SLC4A4: variants seen among roughly 807,000 people sequenced by gnomAD.
SLC4A4 encodes solute carrier family 4 member 4.
A neutral mutation model predicts 111.5 loss-of-function variants in SLC4A4; 27 were observed. The observed-to-expected ratio is 0.24, with a 90% CI of 0.18 to 0.33. SLC4A4 has a LOEUF of 0.33. Ranked by LOEUF, SLC4A4 falls within the 10% of genes least tolerant of loss-of-function variation. The pLI is 1.00. For synonymous variants in SLC4A4, 443 were observed against 463.4 expected, an observed-to-expected ratio of 0.96 and a Z score of 0.57; for missense variants, 909 against 1,315.5, an observed-to-expected ratio of 0.69 and a Z score of 4.78.
rs116494394 is a variant in SLC4A4 at position 71,374,850 on chromosome 4, G to T, written c.730+17663G>T. 9.0e-3 allele frequency among the ~76,000 whole-genome samples: 1,366 copies of T among 152,088 alleles called. 24 individuals carry two copies. Among genetic ancestry groups the T allele is most frequent in the African/African-American group, 0.032 (1,313 of 41,480 alleles). On this transcript the variant is annotated intron_variant, in intron 6 of 25. Transcript: ENST00000264485. The stretch of plus-strand genomic sequence containing the variant: ...ATTCAGACTTGTGCTTGACAAAATG[G>T]TGATATGTGTGATATATTTATAATC...
chr4:71,248,417 T>A (rs1560811807), intron 2 of SLC4A4, among the ~76,000 whole-genome samples: 2 of 150,568 alleles, frequency 1.3e-5, no homozygotes, highest in Non-Finnish European at 3.0e-5. Context: ...TATAGATATT[T>A]GTATAGGTAA....
intron 2 of SLC4A4, among the ~76,000 whole-genome samples, chr4:71,155,050 G>T (rs1456505857): frequency 6.6e-6 from 1 of 151,360 alleles, no homozygotes; most frequent in African/African-American, 2.4e-5. Context: ...GTCACAATGA[G>T]CATTTTGTGA....
At chr4:71,421,773 G>A (rs1314643762) in intron 7 of SLC4A4, among the ~76,000 whole-genome samples, 1 of 152,156 alleles carries the variant, frequency 6.6e-6, no homozygotes, top group African/African-American at 2.4e-5. Flanking sequence ...AAATAAAGAT[G>A]TTCTTTGAAA....
intron 9 of SLC4A4, among the ~76,000 whole-genome samples, chr4:71,448,724 G>C (rs565736874): frequency 1.3e-5 from 2 of 152,248 alleles, no homozygotes; most frequent in South Asian, 4.1e-4. Flanking sequence ...TTCTGCTCCT[G>C]GGTCTTTCTG....
At chr4:71,225,917 A>G (rs1719019818) in intron 1 of SLC4A4, among the ~76,000 whole-genome samples, 1 of 152,236 alleles carries the variant, frequency 6.6e-6, no homozygotes. Flanking sequence ...ATTACTACAA[A>G]TAATTTATCA....
chr4:71,302,480 A>G (rs942094253), intron 3 of SLC4A4, among the ~76,000 whole-genome samples: 13 of 152,218 alleles, frequency 8.5e-5, no homozygotes, highest in Admixed American at 6.5e-4. Context: ...TCCCTTATCA[A>G]TGAAAATTAC....
At chr4:71,468,681 T>C (rs1447180507) in intron 13 of SLC4A4, among the ~76,000 whole-genome samples, 1 of 151,574 alleles carries the variant, frequency 6.6e-6, no homozygotes, top group Non-Finnish European at 1.5e-5. Context: ...TTTGGGTAGA[T>C]CACTATTTCC....
intron 3 of SLC4A4, among the ~76,000 whole-genome samples, chr4:71,266,164 C>T (rs994645759): frequency 6.6e-6 from 1 of 152,156 alleles, no homozygotes; most frequent in African/African-American, 2.4e-5. Context: ...AATTCAGAGT[C>T]AGGCAGTGGG....
intron 6 of SLC4A4, among the ~76,000 whole-genome samples, chr4:71,395,855 G>C (rs1011323261): frequency 2.6e-5 from 4 of 152,150 alleles, no homozygotes; most frequent in African/African-American, 9.7e-5. Flanking sequence ...ATTTACATAA[G>C]CTATTTTCAA....
intron 16 of SLC4A4, among the ~76,000 whole-genome samples, chr4:71,512,712 C>T (rs1347496492): frequency 6.6e-6 from 1 of 152,082 alleles, no homozygotes; most frequent in Admixed American, 6.6e-5. Flanking sequence ...TTTGTCTACA[C>T]CAATGTCCAG....
chr4:71,145,264 T>C (rs555760314), intron 2 of SLC4A4, among the ~76,000 whole-genome samples: 14 of 152,332 alleles, frequency 9.2e-5, no homozygotes, highest in Admixed American at 5.2e-4. Flanking sequence ...GATTTGTGTA[T>C]GTTGAACCAG....
chr4:71,467,291 G>A lies in SLC4A4; in HGVS notation c.1631+714G>A, dbSNP rs111511863. On this transcript the variant is annotated intron_variant, in intron 13 of 25. Coordinates refer to ENST00000264485, the MANE Select transcript of SLC4A4 (RefSeq NM_001098484.3). The stretch of plus-strand genomic sequence containing the variant: ...GATTAAGTTCACATCATTCAATAAT[G>A]AAAGAGACTGGATGCTCTTTACTTA... 7.5e-4 allele frequency among the ~76,000 whole-genome samples: 114 copies of A among 152,190 alleles called. 1 individual carries two copies. Among genetic ancestry groups the A allele is most frequent in the African/African-American group, 2.7e-3 (112 of 41,552 alleles).
intron 2 of SLC4A4, among the ~76,000 whole-genome samples, chr4:71,103,364 A>G (rs925964763): frequency 6.6e-6 from 1 of 152,202 alleles, no homozygotes; most frequent in African/African-American, 2.4e-5. Flanking sequence ...CAGATCAACG[A>G]GACAGAAAGT....
At chr4:71,354,934 G>A (rs548365288) in intron 5 of SLC4A4, among the ~76,000 whole-genome samples, 1 of 152,290 alleles carries the variant, frequency 6.6e-6, no homozygotes, top group East Asian at 1.9e-4. Flanking sequence ...AATTGGTAGT[G>A]TCTGTGGGAT....
intron 3 of SLC4A4, among the ~76,000 whole-genome samples, chr4:71,276,704 C>T (rs929682173): frequency 2.6e-5 from 4 of 151,854 alleles, no homozygotes; most frequent in African/African-American, 7.3e-5. Flanking sequence ...TTTGTTTAAC[C>T]GTTTACATAT....
At chr4:71,176,399 C>T (rs914349407) in intron 2 of SLC4A4, among the ~76,000 whole-genome samples, 1 of 151,932 alleles carries the variant, frequency 6.6e-6, no homozygotes, top group African/African-American at 2.4e-5. Context: ...GGAGGAAGTT[C>T]GAACACATGG....
intron 16 of SLC4A4, among the ~76,000 whole-genome samples, chr4:71,526,283 A>G (rs948301028): frequency 1.3e-5 from 2 of 152,078 alleles, no homozygotes; most frequent in African/African-American, 4.8e-5. Flanking sequence ...AACACTCTCC[A>G]GGAGTGATTT....
Position 71,534,327 on chromosome 4 carries a change from T to G in SLC4A4, c.2381T>G (p.Leu794Arg). The G allele has an allele frequency of 6.2e-7, 1 of 1,613,570 alleles. No homozygotes were observed. The highest frequency in any genetic ancestry group is 8.5e-7 in the Non-Finnish European group (1 of 1,179,624). ...AAIPALLVTI[L>R]IFMDQQITAV... ...ATCCCGGCTTTGTTGGTCACTATAC[T>G]GATTTTCATGGACCAACAAATTACA... is the stretch of plus-strand genomic sequence containing the variant. The change falls in exon 18 of 26, where the codon CTG becomes CGG. Residue 794 changes from leucine to arginine, a missense_variant. Around this residue, in one of 7 missense-constraint regions of SLC4A4, gnomAD observed 264 missense variants for 356.8 expected, o/e 0.74. Transcript: ENST00000264485.
chr4:71,301,969 C>T (rs567458967), intron 3 of SLC4A4, among the ~76,000 whole-genome samples: 45 of 152,318 alleles, frequency 3.0e-4, no homozygotes, highest in African/African-American at 1.1e-3. Context: ...AAAAGTAAGG[C>T]AGTCTTAGTT....
Sources: allele counts gnomAD v4.1 joint callset (sites outside exome capture counted in the v4.1 genomes callset), GRCh38; gene constraint gnomAD v4.1.1; regional missense constraint gnomAD v4.1.1; transcripts MANE v1.5; gene names NCBI Gene and HGNC (gene_info 2026-07-23, HGNC 2026-07-21).